Variants in CUX1 observed in about 807,000 individuals in gnomAD.
CUX1 encodes the protein protein CASP.
In CUX1, 31 loss-of-function variants were observed where a neutral mutation model predicts 158.8. The ratio of observed to expected loss-of-function variants is 0.20; its 90% CI spans 0.15 to 0.26. The LOEUF (loss-of-function observed/expected upper bound fraction) is 0.26. CUX1 is among the 10% of genes least tolerant of loss of function. The pLI is 1.00. For missense variants in CUX1, 1,589 were observed against 2,014.6 expected, an observed-to-expected ratio of 0.79 and a Z score of 4.04; for synonymous variants, 879 against 862.1, an observed-to-expected ratio of 1.02 and a Z score of -0.34.
chr7:101,836,411 C>A (rs937017664), intron 1 of CUX1, among the ~76,000 whole-genome samples: 1 of 151,824 alleles, frequency 6.6e-6, no homozygotes, highest in African/African-American at 2.4e-5. Flanking sequence ...CCCATCTCTA[C>A]AAAAAAAATG....
intron 1 of CUX1, among the ~76,000 whole-genome samples, chr7:101,851,309 G>T (rs1315585863): frequency 6.6e-6 from 1 of 151,804 alleles, no homozygotes; most frequent in African/African-American, 2.4e-5. Context: ...GTGAGGTAGG[G>T]TTTCATCTTT....
At chr7:102,107,912 T>C (rs1830529026) in intron 6 of CUX1, among the ~76,000 whole-genome samples, 1 of 152,164 alleles carries the variant, frequency 6.6e-6, no homozygotes, top group Non-Finnish European at 1.5e-5. Context: ...CCATCGTCCC[T>C]GGGGGAGCGC....
chr7:101,989,936 G>A (rs1022951957), intron 2 of CUX1, among the ~76,000 whole-genome samples: 12 of 152,368 alleles, frequency 7.9e-5, no homozygotes, highest in Middle Eastern at 3.4e-3. Context: ...TGCAGCTTTT[G>A]CTGTGGGAAA....
intron 4 of CUX1, among the ~76,000 whole-genome samples, chr7:102,086,640 C>T (rs782387255): frequency 1.1e-4 from 17 of 151,328 alleles, no homozygotes; most frequent in South Asian, 4.2e-4. Flanking sequence ...GACAGAGTCT[C>T]GCTCTGTCGC....
chr7:101,951,893 A>C (rs907554646), intron 2 of CUX1, among the ~76,000 whole-genome samples: 1 of 152,260 alleles, frequency 6.6e-6, no homozygotes, highest in Non-Finnish European at 1.5e-5. Context: ...AGGTTTCGGC[A>C]GGGCCATATG....
At chr7:101,838,431 C>T (rs991159243) in intron 1 of CUX1, among the ~76,000 whole-genome samples, 12 of 151,032 alleles carry the variant, frequency 7.9e-5, no homozygotes, top group Non-Finnish European at 1.8e-4. Context: ...CACCTGGGCT[C>T]ACTCACCACA....
chr7:101,994,063 C>A (rs1815499623), intron 2 of CUX1, among the ~76,000 whole-genome samples: 1 of 152,186 alleles, frequency 6.6e-6, no homozygotes. Flanking sequence ...GGCCACAGTG[C>A]CCAGTGGGCC....
chr7:102,078,772 AAG>A (rs1191717253), intron 4 of CUX1, among the ~76,000 whole-genome samples: 4 of 152,170 alleles, frequency 2.6e-5, no homozygotes, highest in Non-Finnish European at 4.4e-5. Context: ...GAAGTCCTAA[AAG>A]AGAGCTGGCT....
Position 102,236,571 on chromosome 7 carries a change from C to T in CUX1, c.3622+2331C>T, listed in dbSNP as rs182291614. On this transcript the variant is annotated intron_variant, in intron 22 of 23. Coordinates refer to ENST00000292535, the MANE Select transcript of CUX1 (RefSeq NM_181552.4). ...GATTACAGGCATGAGCCACTGCGCC[C>T]GGCCTTTTCAATGTCTTATTATGGG... Among the ~76,000 whole-genome samples, 396 of 152,266 alleles carry T rather than the reference C, an allele frequency of 2.6e-3. 2 individuals are homozygous for T. Among genetic ancestry groups the T allele is most frequent in the African/African-American group, 8.8e-3 (366 of 41,544 alleles).
At chr7:101,850,111 A>G (rs1796116430) in intron 1 of CUX1, among the ~76,000 whole-genome samples, 1 of 151,766 alleles carries the variant, frequency 6.6e-6, no homozygotes, top group South Asian at 2.1e-4. Context: ...TTTAGTAGAG[A>G]TGGGGTTTCA....
chr7:102,247,586 G>A (rs1800950725), intron 23 of CUX1, among the ~76,000 whole-genome samples: 1 of 152,242 alleles, frequency 6.6e-6, no homozygotes, highest in Non-Finnish European at 1.5e-5. Context: ...CACTTGGGGA[G>A]GCCCAGGCAG....
chr7:102,207,037 G>C lies in CUX1; in HGVS notation c.3130+1867G>C, dbSNP rs573878320. ...ATGACGTTTTACTTTGTATTGTAAC[G>C]GATCATCGCCACTGTGCTGGAACGT... is the stretch of plus-strand genomic sequence containing the variant. On this transcript the variant is annotated intron_variant, in intron 20 of 23. Transcript: ENST00000292535. Among the ~76,000 whole-genome samples the C allele has an allele frequency of 7.9e-5, 12 of 152,270 alleles. No homozygotes were observed. In the South Asian group the frequency reaches 2.5e-3, roughly 32 times the overall value.
chr7:102,272,890 C>G (rs1791324740), intron 14 of CUX1, among the ~76,000 whole-genome samples: 1 of 152,162 alleles, frequency 6.6e-6, no homozygotes, highest in African/African-American at 2.4e-5. Flanking sequence ...ACGCGCCCCA[C>G]TGCACCCCCG....
chr7:101,988,902 G>T (rs907568055), intron 2 of CUX1, among the ~76,000 whole-genome samples: 1 of 152,076 alleles, frequency 6.6e-6, no homozygotes, highest in African/African-American at 2.4e-5. Flanking sequence ...GGAAGGCCAA[G>T]GCAGGAGGAT....
At chr7:101,879,827 C>G (rs187472897) in intron 1 of CUX1, among the ~76,000 whole-genome samples, 61 of 152,384 alleles carry the variant, frequency 4.0e-4, no homozygotes, top group African/African-American at 1.3e-3. Context: ...GAGTGGGGTT[C>G]TCCCAGGGTC....
At chr7:101,834,725 A>G (rs1794439960) in intron 1 of CUX1, among the ~76,000 whole-genome samples, 1 of 152,006 alleles carries the variant, frequency 6.6e-6, no homozygotes, top group Admixed American at 6.6e-5. Context: ...CAAAGTTTAA[A>G]ATTCTGGCCA....
At chr7:102,080,012 C>T (rs1827188153) in intron 4 of CUX1, among the ~76,000 whole-genome samples, 1 of 152,176 alleles carries the variant, frequency 6.6e-6, no homozygotes. Flanking sequence ...CTCAATCCGC[C>T]TCTCCATGTA....
rs764331819 is a variant in CUX1, at chr7:101,817,640, ATGT to A, written c.5_7del (p.Leu2?). ...ACAGCCCCGGGACTCTGCCAGGTGG[ATGT>A]TGTGCGTAGCCGGAGCCAGGTTGAA... On this transcript the variant is annotated start_lost and inframe_deletion, in exon 1 of 24. Coordinates refer to ENST00000292535, the MANE Select transcript of CUX1 (RefSeq NM_181552.4). This position sits in a 1 kb window ranked among gnomAD's most constrained non-coding sequence, Gnocchi z 4.1. 16 of 1,551,330 alleles carry A rather than the reference ATGT, an allele frequency of 1.0e-5. No homozygotes were observed. In the South Asian group the frequency reaches 1.8e-4, roughly 17 times the overall value.
At chr7:101,945,172 A>ACAGGGCAGAGCGACCT (rs1808222809) in intron 2 of CUX1, among the ~76,000 whole-genome samples, 1 of 152,102 alleles carries the variant, frequency 6.6e-6, no homozygotes, top group Admixed American at 6.5e-5. Context: ...TCTTTTGCAG[A>ACAGGGCAGAGCGACCT]CAGGGCAGAG....
Sources: gnomAD v4.1 joint callset for allele counts (sites outside exome capture counted in the v4.1 genomes callset) on GRCh38, gnomAD v4.1.1 for gene constraint, Gnocchi (gnomAD v3.1) non-coding constraint, MANE v1.5 for transcripts, NCBI Gene and HGNC (gene_info 2026-07-23, HGNC 2026-07-21) for gene names.